Variants in USP25 observed in about 807,000 individuals in gnomAD.
USP25 encodes the protein ubiquitin carboxyl-terminal hydrolase 25.
A neutral mutation model predicts 158.5 loss-of-function variants in USP25; 85 were observed. The observed-to-expected ratio is 0.54, with a 90% CI of 0.45 to 0.64. The LOEUF is 0.64. Ranked by LOEUF, USP25 falls within the 30% of genes least tolerant of loss-of-function variation. The pLI is 0.00. For synonymous variants in USP25, 464 were observed against 460.4 expected, an observed-to-expected ratio of 1.01 and a Z score of -0.10; for missense variants, 1,242 against 1,327.3, an observed-to-expected ratio of 0.94 and a Z score of 1.00.
intron 3 of USP25, 60 bp from the exon 4 acceptor site, chr21:15,777,844 A>G: frequency 1.3e-6 from 2 of 1,486,172 alleles, no homozygotes; most frequent in Non-Finnish European, 1.8e-6. Flanking sequence ...AATCTCCATA[A>G]TAAAAATCCT....
chr21:15,805,803 G>A (rs2146272046), intron 7 of USP25: 1 of 152,240 alleles, frequency 6.6e-6, no homozygotes, highest in Non-Finnish European at 1.5e-5. Flanking sequence ...AGAAATTAAA[G>A]AAGGAAAACA....
In USP25 at chr21:15,877,788, G is replaced by A. The variant is rs1172181198; in HGVS notation, c.3010-8G>A. ...CCTATTCTTTTTTTTTTCCTGCATT[G>A]CATTAAGAAATTAAATGAGCAAGCC... On this transcript the variant is annotated splice_polypyrimidine_tract_variant and splice_region_variant and intron_variant, in intron 24 of 25. Transcript: ENST00000400183. The A allele has an allele frequency of 5.1e-6, 8 of 1,574,568 alleles. No individual in the cohort carries two copies. The Admixed American group carries it at 1.2e-4, about 23-fold the overall frequency.
chr21:15,769,669 G>A (rs2034239707), intron 3 of USP25, among the ~76,000 whole-genome samples: 2 of 152,026 alleles, frequency 1.3e-5, no homozygotes, highest in Admixed American at 1.3e-4. Flanking sequence ...TTTGTGTCAC[G>A]GCAAACTCTG....
At chr21:15,775,727 A>G in intron 3 of USP25, among the ~76,000 whole-genome samples, 1 of 122,328 alleles carries the variant, frequency 8.2e-6, no homozygotes, top group Admixed American at 8.9e-5. Flanking sequence ...AGGCAACAGG[A>G]TAATGGTTGC....
At chr21:15,860,975 T>TAGAGAGAG (rs1555862138) in intron 20 of USP25, among the ~76,000 whole-genome samples, 131 of 140,654 alleles carry the variant, frequency 9.3e-4, no homozygotes, top group Middle Eastern at 3.8e-3. Flanking sequence ...TATATATATA[T>TAGAGAGAG]AGAGAGAGAG....
intron 17 of USP25, among the ~76,000 whole-genome samples, chr21:15,834,455 C>A (rs901112572): frequency 6.6e-6 from 1 of 150,840 alleles, no homozygotes; most frequent in African/African-American, 2.4e-5. Flanking sequence ...TTTGCAAGAT[C>A]TGCATGTTTT....
intron 6 of USP25, among the ~76,000 whole-genome samples, chr21:15,801,997 A>G (rs1338468647): frequency 6.6e-6 from 1 of 151,530 alleles, no homozygotes; most frequent in Non-Finnish European, 1.5e-5. Flanking sequence ...AGGTCCCTGG[A>G]AATATAATAA....
chr21:15,866,489 T>C lies in USP25; in HGVS notation c.2805+145T>C. 3 of 452,414 alleles carry C rather than the reference T, an allele frequency of 6.6e-6. No homozygotes were observed. In the South Asian group the frequency reaches 2.2e-4, roughly 33 times the overall value. 28.0% of individuals were successfully genotyped at this position (452,414 alleles called of 1,614,324 possible). A position where few individuals can be genotyped will look rare whatever the true frequency, so the allele number is the denominator to read the frequency against. ...GTTTCCAAGTCAATGCTCAAGTAAT[T>C]AATAATTTTATATGTGATTTTAGGA... On this transcript the variant is annotated intron_variant, in intron 22 of 25. Transcript: ENST00000400183.
At chr21:15,840,303 TA>T (rs1358469238) in intron 17 of USP25, among the ~76,000 whole-genome samples, 1 of 152,212 alleles carries the variant, frequency 6.6e-6, no homozygotes, top group African/African-American at 2.4e-5. Context: ...GCGTAACTTT[TA>T]TTGAATTTAG....
chr21:15,823,932 G>A (rs916011867), intron 10 of USP25, 107 bp from the exon 11 acceptor site: 29 of 1,129,452 alleles, frequency 2.6e-5, no homozygotes, highest in Non-Finnish European at 3.4e-5. Context: ...GGTCCGCATT[G>A]TGGTGATACA....
At chr21:15,814,038 A>G (rs1455380616) in intron 9 of USP25, among the ~76,000 whole-genome samples, 1 of 151,368 alleles carries the variant, frequency 6.6e-6, no homozygotes, top group Non-Finnish European at 1.5e-5. Context: ...TTCTTATGAT[A>G]ATGAATAAGT....
At chr21:15,769,763 G>A (rs967256249) in intron 3 of USP25, among the ~76,000 whole-genome samples, 2 of 151,846 alleles carry the variant, frequency 1.3e-5, no homozygotes, top group Admixed American at 1.3e-4. Flanking sequence ...AAATTCTTTC[G>A]AACATTTTTA....
At chr21:15,799,691 A>T (rs1259633647) in intron 5 of USP25, 66 bp from the exon 6 acceptor site, 2 of 1,091,216 alleles carry the variant, frequency 1.8e-6, no homozygotes, top group African/African-American at 1.6e-5. Context: ...CTCCAAGACT[A>T]GTCATTTTTA....
At chr21:15,850,076 GA>G (rs1376783689) in intron 20 of USP25, among the ~76,000 whole-genome samples, 2 of 151,762 alleles carry the variant, frequency 1.3e-5, no homozygotes, top group East Asian at 3.9e-4. Flanking sequence ...GGTAATTCAA[GA>G]AAAAAATCTT....
intron 6 of USP25, among the ~76,000 whole-genome samples, chr21:15,800,091 ACT>A (rs1415326879): frequency 6.6e-6 from 1 of 150,404 alleles, no homozygotes; most frequent in African/African-American, 2.4e-5. Context: ...TTTGGGGGGG[ACT>A]GTCAAATTTC....
intron 5 of USP25, among the ~76,000 whole-genome samples, chr21:15,799,271 C>T (rs2036013827): frequency 6.6e-6 from 1 of 151,190 alleles, no homozygotes. Flanking sequence ...ATTTCTATTA[C>T]ATGTCTGTCT....
chr21:15,834,329 C>T (rs760917849), intron 17 of USP25, among the ~76,000 whole-genome samples: 10 of 152,066 alleles, frequency 6.6e-5, no homozygotes, highest in Non-Finnish European at 1.5e-4. Context: ...AACATGTTTT[C>T]TGGTATAGAA....
intron 23 of USP25, among the ~76,000 whole-genome samples, chr21:15,872,025 T>TG (rs2039911622): frequency 6.8e-6 from 1 of 146,698 alleles, no homozygotes; most frequent in African/African-American, 2.5e-5. Flanking sequence ...TTTTTTTTTT[T>TG]TTTTTTTTTT....
chr21:15,794,440 T>G (rs776175138), intron 5 of USP25, among the ~76,000 whole-genome samples: 1 of 151,702 alleles, frequency 6.6e-6, no homozygotes, highest in Non-Finnish European at 1.5e-5. Context: ...GGTACTTTTA[T>G]GTAGAAAGTA....
Sources: allele counts gnomAD v4.1 joint callset (sites outside exome capture counted in the v4.1 genomes callset), GRCh38; gene constraint gnomAD v4.1.1; transcripts MANE v1.5; gene names NCBI Gene and HGNC (gene_info 2026-07-23, HGNC 2026-07-21).